Variants in SEMA3C observed in about 807,000 individuals in gnomAD.
SEMA3C encodes semaphorin 3C, also known as semaphorin-3C.
In SEMA3C, 47 loss-of-function variants were observed where a neutral mutation model predicts 89.4. That is an observed-to-expected ratio of 0.53 (90% CI 0.42 to 0.67). The LOEUF is 0.67. SEMA3C is among the 30% of genes least tolerant of loss of function. The pLI is 0.00. For missense variants in SEMA3C, 839 were observed against 929.1 expected, an observed-to-expected ratio of 0.90 and a Z score of 1.26; for synonymous variants, 310 against 320.2, an observed-to-expected ratio of 0.97 and a Z score of 0.34.
intron 16 of SEMA3C, among the ~76,000 whole-genome samples, chr7:80,750,463 TATATATATATACACAC>T (rs1318907858): frequency 2.8e-5 from 2 of 72,056 alleles, no homozygotes; most frequent in African/African-American, 5.5e-5. Flanking sequence ...TATATATATA[TATATATATATACACAC>T]ACACACACAC....
chr7:80,754,957 G>GTTTTTTTTTTGTTTTTTTTTTTT (rs1449995090), intron 15 of SEMA3C, among the ~76,000 whole-genome samples: 1,873 of 107,710 alleles, frequency 0.017, 186 homozygotes, highest in Non-Finnish European at 0.022. Flanking sequence ...GTTTTTTTTT[G>GTTTTTTTTTTGTTTTTTTTTTTT]TTTTTTTTTT....
intron 6 of SEMA3C, among the ~76,000 whole-genome samples, chr7:80,809,478 T>C (rs1292686136): frequency 6.6e-6 from 1 of 152,218 alleles, no homozygotes; most frequent in East Asian, 1.9e-4. Flanking sequence ...ATTCTACTTT[T>C]AGTTTTTGGG....
intron 17 of SEMA3C, among the ~76,000 whole-genome samples, chr7:80,746,748 G>GTGTGTGTGTGTGTGTGTGTGT (rs1173019981): frequency 2.5e-4 from 4 of 16,102 alleles, no homozygotes; most frequent in Non-Finnish European, 8.2e-4. Flanking sequence ...TGTGTGTGTG[G>GTGTGTGTGTGTGTGTGTGTGT]AGGGGAGGAA....
chr7:80,795,162 G>C (rs1481656055), intron 11 of SEMA3C, among the ~76,000 whole-genome samples: 1 of 152,150 alleles, frequency 6.6e-6, no homozygotes, highest in Non-Finnish European at 1.5e-5. Flanking sequence ...TGGATTACTT[G>C]GCTGCAGGTG....
At chr7:80,778,374 A>G (rs910439301) in intron 12 of SEMA3C, among the ~76,000 whole-genome samples, 2 of 152,198 alleles carry the variant, frequency 1.3e-5, no homozygotes, top group Admixed American at 6.5e-5. Flanking sequence ...TACATGTCCA[A>G]AGATGTAAAT....
At chr7:80,784,754 A>C (rs530845785) in intron 12 of SEMA3C, among the ~76,000 whole-genome samples, 1 of 152,340 alleles carries the variant, frequency 6.6e-6, no homozygotes, top group African/African-American at 2.4e-5. Flanking sequence ...ATATTTTAAT[A>C]AAACTTTCTC....
intron 12 of SEMA3C, among the ~76,000 whole-genome samples, chr7:80,785,996 G>A (rs1235212249): frequency 6.6e-6 from 1 of 152,168 alleles, no homozygotes; most frequent in Non-Finnish European, 1.5e-5. Context: ...AGCCGGTTAT[G>A]ACAATAAGGT....
chr7:80,823,810 G>A (rs994497265), intron 4 of SEMA3C, among the ~76,000 whole-genome samples: 1 of 151,890 alleles, frequency 6.6e-6, no homozygotes, highest in Admixed American at 6.6e-5. Flanking sequence ...CTATTTCATG[G>A]ATATGTTTGA....
At chr7:80,814,246 G>A (rs1402879189) in intron 5 of SEMA3C, among the ~76,000 whole-genome samples, 1 of 151,774 alleles carries the variant, frequency 6.6e-6, no homozygotes, top group Non-Finnish European at 1.5e-5. Context: ...CTGCCACCAC[G>A]CCCAGCTAAT....
Position 80,750,457 on chromosome 7 carries a change from TATATATATATATATATACACAC to T in SEMA3C, c.1711+790_1711+811del, listed in dbSNP as rs1280539326. Reference sequence around the variant, plus strand: ...GTACATATATATATATATATATATATATATATATATATATATACACACACACACACACACACACACACACATA... The same window carrying T: ...GTACATATATATATATATATATATATACACACACACACACACACACACATA... On this transcript the variant is annotated intron_variant, in intron 16 of 17. Transcript: ENST00000265361. Among the ~76,000 whole-genome samples, 19 of 66,694 alleles carry T rather than the reference TATATATATATATATATACACAC, an allele frequency of 2.8e-4. 2 individuals are homozygous for T. The highest frequency in any genetic ancestry group is 2.1e-3 in the Admixed American group (12 of 5,596). The allele number at this position is 66,694 out of a possible 152,430, so 43.8% of individuals were successfully genotyped here.
intron 12 of SEMA3C, among the ~76,000 whole-genome samples, chr7:80,776,135 G>T (rs961314325): frequency 6.6e-6 from 1 of 152,026 alleles, no homozygotes; most frequent in Non-Finnish European, 1.5e-5. Flanking sequence ...TCCCTCACAT[G>T]CTGAACACCG....
chr7:80,823,387 T>C (rs1475235754), intron 4 of SEMA3C, among the ~76,000 whole-genome samples: 2 of 152,176 alleles, frequency 1.3e-5, no homozygotes, highest in Admixed American at 6.5e-5. Context: ...TTCTGTTGCT[T>C]TCTATGTACT....
intron 7 of SEMA3C, among the ~76,000 whole-genome samples, chr7:80,805,113 T>C (rs971787684): frequency 6.6e-6 from 1 of 152,138 alleles, no homozygotes; most frequent in Non-Finnish European, 1.5e-5. Context: ...ATAGTTATCA[T>C]TCCTATGATT....
chr7:80,755,874 G>T (rs1357596640), intron 15 of SEMA3C, among the ~76,000 whole-genome samples: 1 of 152,098 alleles, frequency 6.6e-6, no homozygotes, highest in Non-Finnish European at 1.5e-5. Flanking sequence ...TAAGATGAAA[G>T]ATCACAGAGT....
chr7:80,801,172 A>G (rs1789198453), intron 9 of SEMA3C, among the ~76,000 whole-genome samples: 1 of 152,114 alleles, frequency 6.6e-6, no homozygotes, highest in South Asian at 2.1e-4. Flanking sequence ...AGTGAGTGTT[A>G]CAAGAGGCAA....
chr7:80,747,135 C>T (rs971390539), intron 17 of SEMA3C, among the ~76,000 whole-genome samples: 1 of 151,968 alleles, frequency 6.6e-6, no homozygotes, highest in Non-Finnish European at 1.5e-5. Context: ...GACTTTCATA[C>T]TTGTGTTAGA....
At chr7:80,797,771 G>A (rs534276176) in intron 11 of SEMA3C, among the ~76,000 whole-genome samples, 88 of 152,210 alleles carry the variant, frequency 5.8e-4, no homozygotes, top group African/African-American at 1.9e-3. Flanking sequence ...AGGCCAAGGC[G>A]GGCGGATCAC....
intron 2 of SEMA3C, among the ~76,000 whole-genome samples, chr7:80,849,722 T>A (rs187614972): frequency 6.4e-4 from 97 of 152,202 alleles, no homozygotes; most frequent in Non-Finnish European, 1.0e-3. Flanking sequence ...TAGGAGACAA[T>A]CTTTGTGGTC....
chr7:80,917,325 A>G (rs571098141), intron 1 of SEMA3C, among the ~76,000 whole-genome samples: 2 of 152,310 alleles, frequency 1.3e-5, no homozygotes, highest in East Asian at 3.9e-4. Flanking sequence ...GTTTCCTTAC[A>G]TAAATCTATG....
Sources: allele counts gnomAD v4.1 joint callset (sites outside exome capture counted in the v4.1 genomes callset), GRCh38; gene constraint gnomAD v4.1.1; transcripts MANE v1.5; gene names NCBI Gene and HGNC (gene_info 2026-07-23, HGNC 2026-07-21).